The following ABHD3 variants were observed in gnomAD, a reference collection of about 807,000 sequenced individuals.
The protein encoded by ABHD3 is phospholipase ABHD3.
In ABHD3, 46 loss-of-function variants were observed where a neutral mutation model predicts 48.8. That is an observed-to-expected ratio of 0.94 (90% CI 0.74 to 1.20). ABHD3 has a LOEUF of 1.20. Ranked by LOEUF, ABHD3 falls within the 50% of genes most tolerant of loss-of-function variation. The pLI, the probability that ABHD3 is intolerant of heterozygous loss-of-function variation, is 0.00. For missense variants in ABHD3, 490 were observed against 497.8 expected, an observed-to-expected ratio of 0.98 and a Z score of 0.15; for synonymous variants, 192 against 183.7, an observed-to-expected ratio of 1.04 and a Z score of -0.36.
Position 21,704,750 on chromosome 18 carries a change from G to T in ABHD3, c.-85C>A. On this transcript the variant is annotated 5_prime_UTR_variant, in exon 1 of 9. Transcript: ENST00000289119. ...GAGAGCGGGCGAGAGCGGACGCGGC[G>T]CCGCTGCCTACTCCCGACCACAGTG... 1 of 979,102 alleles carries T rather than the reference G, an allele frequency of 1.0e-6. No homozygotes were observed. The highest frequency in any genetic ancestry group is 5.5e-5 in the East Asian group (1 of 18,034). 60.7% of individuals were successfully genotyped at this position (979,102 alleles called of 1,614,324 possible).
chr18:21,681,168 C>G (rs2039998205), intron 4 of ABHD3, among the ~76,000 whole-genome samples: 1 of 152,166 alleles, frequency 6.6e-6, no homozygotes, highest in African/African-American at 2.4e-5. Flanking sequence ...CCTATTTCTC[C>G]TGAAGGCCAG....
At chr18:21,692,501 G>A (rs561447478) in intron 3 of ABHD3, among the ~76,000 whole-genome samples, 1 of 151,414 alleles carries the variant, frequency 6.6e-6, no homozygotes, top group Non-Finnish European at 1.5e-5. Context: ...CTGATCATAA[G>A]TTCTAAGCGG....
At chr18:21,704,190 A>G (rs1331242727) in intron 1 of ABHD3, among the ~76,000 whole-genome samples, 2 of 152,184 alleles carry the variant, frequency 1.3e-5, no homozygotes, top group Non-Finnish European at 2.9e-5. Flanking sequence ...CCCTGCCCGG[A>G]GTCATTTTCA....
intron 4 of ABHD3, chr18:21,673,594 GT>G: frequency 6.6e-6 from 1 of 151,634 alleles, no homozygotes; most frequent in Non-Finnish European, 1.5e-5. Context: ...GCGCCCAGCT[GT>G]TTTTTGTTTT....
intron 5 of ABHD3, chr18:21,663,809 G>T (rs1203099613): frequency 1.3e-6 from 2 of 1,531,918 alleles, no homozygotes; most frequent in Admixed American, 4.0e-5. Flanking sequence ...CTGGGAGTGC[G>T]TCAGGAATCA....
chr18:21,657,100 C>T lies in ABHD3; in HGVS notation c.891+4G>A, dbSNP rs567546761. The T allele has an allele frequency of 5.6e-6, 9 of 1,613,738 alleles. No individual in the cohort carries two copies. The East Asian group carries it at 2.0e-4, about 36-fold the overall frequency. On this transcript the variant is annotated splice_donor_region_variant and intron_variant, in intron 7 of 8. Transcript: ENST00000289119. ...AAAAGTATTACATAAAGTTTCTCTC[C>T]TACCTTCATGACATGATCCATATCA...
chr18:21,657,243 C>A (rs2039377905), intron 6 of ABHD3, 91 bp from the exon 7 acceptor site: 2 of 1,151,408 alleles, frequency 1.7e-6, no homozygotes, highest in South Asian at 1.6e-5. Flanking sequence ...AAACAGCCTA[C>A]CACAGGGCAC....
chr18:21,663,913 G>A (rs1235679768), intron 5 of ABHD3: 13 of 1,432,124 alleles, frequency 9.1e-6, no homozygotes, highest in Admixed American at 3.0e-5. Flanking sequence ...ACAGAGACCC[G>A]TAGTTAAGAA....
intron 8 of ABHD3, among the ~76,000 whole-genome samples, chr18:21,652,348 A>G (rs1434940235): frequency 1.3e-5 from 2 of 152,082 alleles, no homozygotes; most frequent in African/African-American, 4.8e-5. Context: ...AAGAAAGGAC[A>G]GGAAGAAGAA....
At chr18:21,669,878 G>T (rs1481732957) in intron 4 of ABHD3, among the ~76,000 whole-genome samples, 1 of 152,050 alleles carries the variant, frequency 6.6e-6, no homozygotes, top group Admixed American at 6.6e-5. Flanking sequence ...CTCTCAAAAG[G>T]GGCCCTGAAG....
chr18:21,657,240 C>T (rs1444910371), intron 6 of ABHD3, 88 bp from the exon 7 acceptor site: 12 of 1,218,106 alleles, frequency 9.9e-6, no homozygotes, highest in Non-Finnish European at 1.4e-5. Context: ...ACTAAACAGC[C>T]TACCACAGGG....
intron 3 of ABHD3, 52 bp downstream of exon 3, chr18:21,702,264 G>C: frequency 7.2e-7 from 1 of 1,394,738 alleles, no homozygotes; most frequent in Middle Eastern, 1.9e-4. Context: ...AGATATATTT[G>C]TACTTCATTT....
chr18:21,693,346 A>AT (rs541413662), intron 3 of ABHD3, among the ~76,000 whole-genome samples: 42 of 152,216 alleles, frequency 2.8e-4, no homozygotes, highest in Non-Finnish European at 5.6e-4. Context: ...GAGCAATGAC[A>AT]TAATTTGTCT....
At position 21,664,185 on chromosome 18, in the gene ABHD3, C is replaced by T. The variant is rs1226931752; in HGVS notation, c.601G>A (p.Val201Ile). 1.2e-6 allele frequency: 2 copies of T among 1,614,024 alleles called. No homozygotes were observed. The highest frequency in any genetic ancestry group is 2.7e-5 in the African/African-American group (2 of 74,940). Residue 201 changes from valine to isoleucine, a missense_variant, in exon 5 of 9, where the codon GTT (valine) becomes ATT (isoleucine). Val to Ile is a conservative substitution (Grantham distance 29). Transcript: ENST00000289119. The stretch of plus-strand genomic sequence containing the variant: ...TACAGGCTGTGTACATGGTGAATAA[C>T]TGTCTCCAAGTCTTCAGTGTTAGCA... ...CCANTEDLET[V>I]IHHVHSLYPS...
In ABHD3 at chr18:21,652,345, G is replaced by T. The variant is rs942085283; in HGVS notation, c.1058-582C>A. 3.3e-5 allele frequency among the ~76,000 whole-genome samples: 5 copies of T among 149,664 alleles called. No homozygotes were observed. In the East Asian group the frequency reaches 9.8e-4, roughly 29 times the overall value. On this transcript the variant is annotated intron_variant, in intron 8 of 8. Coordinates refer to ENST00000289119, the MANE Select transcript of ABHD3 (RefSeq NM_138340.5). ...CCATCTTGAAAGAAAGAAAAGAAAG[G>T]ACAGGAAGAAGAAAGAAAGGAAGAC...
chr18:21,657,490 C>A (rs1479169942), intron 6 of ABHD3, among the ~76,000 whole-genome samples: 1 of 151,854 alleles, frequency 6.6e-6, no homozygotes, highest in African/African-American at 2.4e-5. Context: ...AGGTGTGCAC[C>A]ACCACACCCC....
At chr18:21,687,322 C>T (rs2040149840) in intron 3 of ABHD3, among the ~76,000 whole-genome samples, 1 of 148,656 alleles carries the variant, frequency 6.7e-6, no homozygotes, top group Admixed American at 6.7e-5. Flanking sequence ...CATTCTCCTG[C>T]CTCAGCCTCC....
intron 5 of ABHD3, among the ~76,000 whole-genome samples, chr18:21,661,523 C>T (rs2039496692): frequency 6.6e-6 from 1 of 151,716 alleles, no homozygotes; most frequent in Non-Finnish European, 1.5e-5. Context: ...CCTAGCTACT[C>T]GTGAGGCTGA....
chr18:21,699,064 A>G (rs552210481), intron 3 of ABHD3, among the ~76,000 whole-genome samples: 1 of 151,836 alleles, frequency 6.6e-6, no homozygotes, highest in Non-Finnish European at 1.5e-5. Context: ...ATTCCTGAGT[A>G]GCTGGGATTA....
Sources: allele counts gnomAD v4.1 joint callset (sites outside exome capture counted in the v4.1 genomes callset), GRCh38; gene constraint gnomAD v4.1.1; transcripts MANE v1.5; gene names NCBI Gene and HGNC (gene_info 2026-07-23, HGNC 2026-07-21).